Variants in OSBPL5 observed in about 807,000 individuals in gnomAD.
The protein encoded by OSBPL5 is oxysterol binding protein like 5, also known as oxysterol-binding protein-related protein 5.
A neutral mutation model predicts 111.2 loss-of-function variants in OSBPL5; 71 were observed. That is an observed-to-expected ratio of 0.64 (90% CI 0.53 to 0.78). The LOEUF (loss-of-function observed/expected upper bound fraction) is 0.78, where lower values mean the gene tolerates loss of function less well. OSBPL5 is among the 30% of genes least tolerant of loss of function. The pLI, the probability that OSBPL5 is intolerant of heterozygous loss-of-function variation, is 0.00. For synonymous variants in OSBPL5, 549 were observed against 513.9 expected, an observed-to-expected ratio of 1.07 and a Z score of -0.93; for missense variants, 1,210 against 1,189.3, an observed-to-expected ratio of 1.02 and a Z score of -0.26.
chr11:3,104,414 A>G lies in OSBPL5; in HGVS notation c.1060-37T>C. On this transcript the variant is annotated intron_variant, in intron 9 of 21. Transcript: ENST00000263650. The surrounding 1 kb of genome is among the most constrained non-coding windows in gnomAD (Gnocchi z 5.0). ...AGGCTGCAGTCAGGCCCTGCCCGGA[A>G]GAGCCGGGAGGAAGGGGTGGCGGGA... The G allele has an allele frequency of 6.3e-7, 1 of 1,593,360 alleles. No individual in the cohort carries two copies. The highest frequency in any genetic ancestry group is 8.5e-7 in the Non-Finnish European group (1 of 1,176,492).
At position 3,088,125 on chromosome 11, in the gene OSBPL5, C is replaced by A; in HGVS notation, c.*80G>T. 7.5e-7 allele frequency: 1 copy of A among 1,339,268 alleles called. No homozygotes were observed. The highest frequency in any genetic ancestry group is 9.9e-7 in the Non-Finnish European group (1 of 1,013,002). 83.0% of individuals were successfully genotyped at this position (1,339,268 alleles called of 1,614,324 possible). Reference sequence around the variant, plus strand: ...TGGCTGTGCTTGCCGGGCCTCTCTGCCTCCATGGAGCAGGCTTAAAGTGCT... The same window carrying A: ...TGGCTGTGCTTGCCGGGCCTCTCTGACTCCATGGAGCAGGCTTAAAGTGCT... On this transcript the variant is annotated 3_prime_UTR_variant, in exon 22 of 22. Coordinates refer to ENST00000263650, the MANE Select transcript of OSBPL5 (RefSeq NM_020896.4).
chr11:3,158,875 A>G (rs1846866551), intron 1 of OSBPL5, among the ~76,000 whole-genome samples: 1 of 152,188 alleles, frequency 6.6e-6, no homozygotes, highest in Non-Finnish European at 1.5e-5. Context: ...GGAGCTCTGG[A>G]TGTCCAAGTT....
rs77835457 is a variant in OSBPL5, at chr11:3,146,625, C to A, written c.-21-17456G>T. On this transcript the variant is annotated intron_variant, in intron 1 of 21. Coordinates refer to ENST00000263650, the MANE Select transcript of OSBPL5 (RefSeq NM_020896.4). This position sits in a 1 kb window ranked among gnomAD's most constrained non-coding sequence, Gnocchi z 7.8. ...TTTCGGGCACTCCGTCGCTTGCCTT[C>A]TGCAGAGCTGCTAAGCCGCTGGGCA... 0.13 allele frequency: 19,313 copies of A among 152,136 alleles called. 1,279 individuals are homozygous for A. Among genetic ancestry groups the A allele is most frequent in the East Asian group, 0.19 (973 of 5,146 alleles). 9.4% of individuals were successfully genotyped at this position (152,136 alleles called of 1,614,324 possible).
intron 6 of OSBPL5, 144 bp from the exon 7 acceptor site, chr11:3,119,775 C>T: frequency 1.5e-6 from 1 of 672,366 alleles, no homozygotes; most frequent in Non-Finnish European, 2.4e-6. Flanking sequence ...GGCCAGGCAC[C>T]TGGCCAGGTA....
chr11:3,106,270 G>A lies in OSBPL5; in HGVS notation c.1059+993C>T, dbSNP rs1029678004. Among the ~76,000 whole-genome samples the A allele has an allele frequency of 1.3e-5, 2 of 152,124 alleles. No individual in the cohort carries two copies. The highest frequency in any genetic ancestry group is 4.8e-5 in the African/African-American group (2 of 41,418). On this transcript the variant is annotated intron_variant, in intron 9 of 21. Coordinates refer to ENST00000263650, the MANE Select transcript of OSBPL5 (RefSeq NM_020896.4). The surrounding 1 kb of genome is among the most constrained non-coding windows in gnomAD (Gnocchi z 8.4). The stretch of plus-strand genomic sequence containing the variant: ...CGCTGTCCAAACAACAGCAAGGAAC[G>A]AATTCCCCTTTCCTGCTGAAACCGG...
chr11:3,117,454 G>A (rs1355214939), intron 7 of OSBPL5, among the ~76,000 whole-genome samples: 2 of 152,184 alleles, frequency 1.3e-5, no homozygotes, highest in African/African-American at 4.8e-5. Context: ...ATGGAACAAA[G>A]TTCCATCAAA....
At position 3,129,189 on chromosome 11, in the gene OSBPL5, G is replaced by C; in HGVS notation, c.-21-20C>G. On this transcript the variant is annotated intron_variant, in intron 1 of 21. Coordinates refer to ENST00000263650, the MANE Select transcript of OSBPL5 (RefSeq NM_020896.4). Reference sequence around the variant, plus strand: ...GGGCTTCTGGAAGGAAGGAAGGAGGGGCAGCAGGAGGTCACCGCCCCGGAA... The same window carrying C: ...GGGCTTCTGGAAGGAAGGAAGGAGGCGCAGCAGGAGGTCACCGCCCCGGAA... 7.4e-7 allele frequency: 1 copy of C among 1,359,888 alleles called. No homozygotes were observed. Among genetic ancestry groups the C allele is most frequent in the Non-Finnish European group, 9.5e-7 (1 of 1,050,476 alleles). 84.2% of individuals were successfully genotyped at this position (1,359,888 alleles called of 1,614,324 possible). A position where few individuals can be genotyped will look rare whatever the true frequency, so the allele number is the denominator to read the frequency against.
chr11:3,098,476 CATAAAAA>C (rs1857347425), intron 14 of OSBPL5, among the ~76,000 whole-genome samples: 1 of 32,764 alleles, frequency 3.1e-5, no homozygotes, highest in Non-Finnish European at 6.4e-5. Flanking sequence ...GCTATCAAGC[CATAAAAA>C]GACATGAAGG....
At chr11:3,143,235 G>T (rs571382328) in intron 1 of OSBPL5, among the ~76,000 whole-genome samples, 3 of 126,644 alleles carry the variant, frequency 2.4e-5, no homozygotes, top group African/African-American at 8.6e-5. Context: ...AGGTGCGGGG[G>T]GGGCAGAGGA....
chr11:3,145,539 T>TG (rs1273617897), intron 1 of OSBPL5, among the ~76,000 whole-genome samples: 3 of 152,206 alleles, frequency 2.0e-5, no homozygotes, highest in Non-Finnish European at 2.9e-5. Context: ...ATGATGTTCT[T>TG]GGGGTGGGGG....
chr11:3,119,839 G>A (rs1858341940), intron 6 of OSBPL5: 1 of 527,898 alleles, frequency 1.9e-6, no homozygotes, highest in Non-Finnish European at 3.3e-6. Context: ...CCCTTTCTTA[G>A]CTGGCAGCTC....
rs774617578 is a variant in OSBPL5 at position 3,094,284 on chromosome 11, C to T, written c.1672G>A (p.Glu558Lys). 6.8e-6 allele frequency: 11 copies of T among 1,613,502 alleles called. No homozygotes were observed. Among genetic ancestry groups the T allele is most frequent in the Admixed American group, 3.3e-5 (2 of 59,994 alleles). Residue 558 changes from glutamate (E) to lysine (K), a missense_variant, in exon 15 of 22, where the codon GAG becomes AAG. Glu to Lys is a moderately conservative substitution (Grantham distance 56). Coordinates refer to ENST00000263650, the MANE Select transcript of OSBPL5 (RefSeq NM_020896.4). Reference sequence around the variant, plus strand: ...GCCTGGAAGTTGTTCTTCGCACACTCGATGGTGACCTTCCCACCCAGCTCC... The same window carrying T: ...GCCTGGAAGTTGTTCTTCGCACACTTGATGGTGACCTTCCCACCCAGCTCC... ...TLELGGKVTI[E>K]CAKNNFQAQL...
chr11:3,107,370 C>G lies in OSBPL5; in HGVS notation c.952G>C (p.Asp318His). The change falls in exon 9 of 22, where the codon GAC (aspartate) becomes CAC (histidine). Residue 318 changes from aspartate (D) to histidine (H), a missense_variant. Coordinates refer to ENST00000263650, the MANE Select transcript of OSBPL5 (RefSeq NM_020896.4). This position sits in a 1 kb window ranked among gnomAD's most constrained non-coding sequence, Gnocchi z 6.1. ...CCACTCTCCGTCTTCCGGCTATGGT[C>G]CTGGGTCTCGGTATCTGACTCCTCA... is the stretch of plus-strand genomic sequence containing the variant. ...NPEESDTETQ[D>H]HSRKTESGSD... The G allele has an allele frequency of 6.2e-7, 1 of 1,614,088 alleles. No individual in the cohort carries two copies. Among genetic ancestry groups the G allele is most frequent in the East Asian group, 2.2e-5 (1 of 44,878 alleles).
In OSBPL5 at chr11:3,119,613, C is replaced by A. The variant is rs539611416; in HGVS notation, c.625G>T (p.Val209Leu). ...GGCAGGGGCTGTGTGATGGAGCCCACGCTCTCACCTTTGGGGCCCTGGAGA... is the reference window on the plus strand; with the variant it reads ...GGCAGGGGCTGTGTGATGGAGCCCAAGCTCTCACCTTTGGGGCCCTGGAGA... Reference protein sequence around the residue: ...WAVKGPKGESVGSITQPLPSS... With the variant: ...WAVKGPKGESLGSITQPLPSS... Residue 209 changes from valine to leucine, a missense_variant, in exon 7 of 22, where the codon GTG becomes TTG. Coordinates refer to ENST00000263650, the MANE Select transcript of OSBPL5 (RefSeq NM_020896.4). The A allele has an allele frequency of 6.3e-7, 1 of 1,575,526 alleles. No individual in the cohort carries two copies. The highest frequency in any genetic ancestry group is 1.9e-5 in the Admixed American group (1 of 51,868).
At position 3,094,284 on chromosome 11, in the gene OSBPL5, C is replaced by G; in HGVS notation, c.1672G>C (p.Glu558Gln). 2 of 1,613,620 alleles carry G rather than the reference C, an allele frequency of 1.2e-6. No homozygotes were observed. The highest frequency in any genetic ancestry group is 1.6e-4 in the Middle Eastern group (1 of 6,062). Residue 558 changes from glutamate to glutamine, a missense_variant, in exon 15 of 22, where the codon GAG becomes CAG. Physicochemically the swap from Glu to Gln is conservative, Grantham distance 29 (BLOSUM62 2). Coordinates refer to ENST00000263650, the MANE Select transcript of OSBPL5 (RefSeq NM_020896.4). ...GCCTGGAAGTTGTTCTTCGCACACT[C>G]GATGGTGACCTTCCCACCCAGCTCC... ...TLELGGKVTI[E>Q]CAKNNFQAQL...
At position 3,113,874 on chromosome 11, in the gene OSBPL5, G is replaced by A. The variant is rs1258958760; in HGVS notation, c.691+5673C>T. 6.6e-6 allele frequency among the ~76,000 whole-genome samples: 1 copy of A among 152,152 alleles called. No individual in the cohort carries two copies. The highest frequency in any genetic ancestry group is 1.5e-5 in the Non-Finnish European group (1 of 68,018). ...GCCCAGGAATGAACAAGGATAGCTT[G>A]AAGGTTAGAAACAAGATGGAGTCAG... On this transcript the variant is annotated intron_variant, in intron 7 of 21. Coordinates refer to ENST00000263650, the MANE Select transcript of OSBPL5 (RefSeq NM_020896.4). The surrounding 1 kb of genome is among the most constrained non-coding windows in gnomAD (Gnocchi z 4.8).
At chr11:3,112,075 ATGTGTGTGTGCATG>A (rs1554898321) in intron 7 of OSBPL5, among the ~76,000 whole-genome samples, 3 of 137,002 alleles carry the variant, frequency 2.2e-5, no homozygotes, top group African/African-American at 3.2e-5. Context: ...GTGTGTGTGC[ATGTGTGTGTGCATG>A]TGTGTGTGCA....
intron 1 of OSBPL5, among the ~76,000 whole-genome samples, chr11:3,160,562 G>A (rs1846928809): frequency 6.6e-6 from 1 of 152,216 alleles, no homozygotes; most frequent in African/African-American, 2.4e-5. Context: ...AGCTGATCAG[G>A]AGAAATCCCG....
At chr11:3,138,991 G>C (rs190251630) in intron 1 of OSBPL5, among the ~76,000 whole-genome samples, 1 of 152,236 alleles carries the variant, frequency 6.6e-6, no homozygotes, top group Non-Finnish European at 1.5e-5. Context: ...ACTGAGGTCC[G>C]TCTCCGCCCT....
Sources: allele counts gnomAD v4.1 joint callset (sites outside exome capture counted in the v4.1 genomes callset), GRCh38; gene constraint gnomAD v4.1.1; non-coding constraint Gnocchi (gnomAD v3.1); transcripts MANE v1.5; gene names NCBI Gene and HGNC (gene_info 2026-07-23, HGNC 2026-07-21).